The following TRPV2 variants were observed in gnomAD, a reference collection of about 807,000 sequenced individuals.
The protein encoded by TRPV2 is transient receptor potential cation channel subfamily V member 2.
In TRPV2, 58 loss-of-function variants were observed where a neutral mutation model predicts 91.0. The ratio of observed to expected loss-of-function variants is 0.64; its 90% confidence interval spans 0.52 to 0.79. TRPV2 has a LOEUF of 0.79. Among genes scored for constraint, TRPV2 ranks in the 30% least tolerant of loss-of-function variants. The probability of loss-of-function intolerance (pLI) is 0.00; values close to 1 mark genes in which losing one functional copy is unlikely to be tolerated. For missense variants in TRPV2, 807 were observed against 969.6 expected, an observed-to-expected ratio of 0.83 and a Z score of 2.23; for synonymous variants, 417 against 414.8, an observed-to-expected ratio of 1.01 and a Z score of -0.06.
intron 12 of TRPV2, 136 bp from the exon 13 acceptor site, chr17:16,433,438 C>G: frequency 1.5e-6 from 2 of 1,294,222 alleles, no homozygotes; most frequent in Non-Finnish European, 2.1e-6. Context: ...GAGCCAGATT[C>G]GAATCCGCGT....
chr17:16,421,342 G>A (rs1339358178), intron 3 of TRPV2, among the ~76,000 whole-genome samples: 9 of 151,142 alleles, frequency 6.0e-5, no homozygotes, highest in African/African-American at 2.2e-4. Context: ...TCAGCCTCCC[G>A]AGCAGCTGGG....
At chr17:16,433,422 A>C in intron 12 of TRPV2, 152 bp from the exon 13 acceptor site, 1 of 1,120,024 alleles carries the variant, frequency 8.9e-7, no homozygotes, top group Non-Finnish European at 1.3e-6. Flanking sequence ...AGGTAACCGG[A>C]TGTTGGAGCC....
At chr17:16,420,314 G>T (rs2093350970) in intron 3 of TRPV2, 66 bp downstream of exon 3, 5 of 1,558,894 alleles carry the variant, frequency 3.2e-6, no homozygotes. Flanking sequence ...GGGCTGTGTG[G>T]GCTTGATCCC....
chr17:16,417,371 G>A (rs1361610858), intron 1 of TRPV2, among the ~76,000 whole-genome samples, 191 bp from the exon 2 acceptor site: 1 of 150,724 alleles, frequency 6.6e-6, no homozygotes, highest in Non-Finnish European at 1.5e-5. Context: ...CTCCCTAGTA[G>A]CTGGGATTAC....
rs536622113 is a variant in TRPV2, at chr17:16,423,676, C to G, written c.833C>G (p.Ala278Gly). The G allele has an allele frequency of 1.9e-5, 31 of 1,614,114 alleles. No homozygotes were observed. In the East Asian group the frequency reaches 6.9e-4, roughly 36 times the overall value. Residue 278 changes from alanine to glycine, a missense_variant, in exon 5 of 15, where the codon GCC (alanine) becomes GGC (glycine). By Grantham distance (60) the Ala-to-Gly change is moderately conservative. Transcript: ENST00000338560. ...SMYDGLLQAG[A>G]RLCPTVQLED... ...TATGATGGGCTCCTCCAAGCTGGGG[C>G]CCGCCTCTGCCCTACCGTGCAGCTT...
rs2093385412 is a variant in TRPV2, at chr17:16,426,829, C to T, written c.1203C>T (p.Tyr401=). 4 of 1,613,878 alleles carry T rather than the reference C, an allele frequency of 2.5e-6. No homozygotes were observed. The African/African-American group carries it at 5.3e-5, about 22-fold the overall frequency. The change falls in exon 7 of 15, where the codon TAC becomes TAT. Residue 401 remains tyrosine (Y), a synonymous_variant. Coordinates refer to ENST00000338560, the MANE Select transcript of TRPV2 (RefSeq NM_016113.5). The surrounding 1 kb of genome is among the most constrained non-coding windows in gnomAD (Gnocchi z 6.0). ...FFLNFLCNLI[Y]MFIFTAVAYH... Reference sequence around the variant, plus strand: ...TAAACTTCCTGTGTAATCTGATCTACATGTTCATCTTCACCGCTGTTGCCT... The same window carrying T: ...TAAACTTCCTGTGTAATCTGATCTATATGTTCATCTTCACCGCTGTTGCCT...
intron 4 of TRPV2, 90 bp from the exon 5 acceptor site, chr17:16,423,379 A>C (rs1008736619): frequency 2.8e-6 from 4 of 1,433,894 alleles, no homozygotes; most frequent in Non-Finnish European, 3.7e-6. Flanking sequence ...ACCTGTTTCA[A>C]GGAGGGCTGG....
chr17:16,424,351 G>A (rs2093373007), intron 5 of TRPV2, among the ~76,000 whole-genome samples: 1 of 151,916 alleles, frequency 6.6e-6, no homozygotes, highest in Non-Finnish European at 1.5e-5. Context: ...TCAGTAAAGA[G>A]GGGTTTCACC....
In TRPV2 at chr17:16,415,922, C is replaced by T. The variant is rs975248223; in HGVS notation, c.-108+89C>T. 6.6e-6 allele frequency: 1 copy of T among 152,230 alleles called. No individual in the cohort carries two copies. Among genetic ancestry groups the T allele is most frequent in the Admixed American group, 6.5e-5 (1 of 15,274 alleles). The allele number at this position is 152,230 out of a possible 1,614,324, so 9.4% of individuals were successfully genotyped here. ...GATGGGGTGGGGAAGGCCTAGTGGGCTCCTGGCTTCTACAGCCTGGAGCCA... is the reference window on the plus strand; with the variant it reads ...GATGGGGTGGGGAAGGCCTAGTGGGTTCCTGGCTTCTACAGCCTGGAGCCA... On this transcript the variant is annotated intron_variant, in intron 1 of 14. Coordinates refer to ENST00000338560, the MANE Select transcript of TRPV2 (RefSeq NM_016113.5). This position sits in a 1 kb window ranked among gnomAD's most constrained non-coding sequence, Gnocchi z 4.5.
At chr17:16,429,070 G>T in intron 10 of TRPV2, 88 bp downstream of exon 10, 1 of 1,436,360 alleles carries the variant, frequency 7.0e-7, no homozygotes, top group Non-Finnish European at 9.5e-7. Context: ...GCAGAGGAGG[G>T]CATGTGTACA....
intron 5 of TRPV2, among the ~76,000 whole-genome samples, chr17:16,425,401 C>T (rs1464937740): frequency 2.0e-5 from 3 of 152,212 alleles, no homozygotes; most frequent in African/African-American, 7.2e-5. Flanking sequence ...TGAGGCAGCC[C>T]CCACTTTGTT....
chr17:16,420,363 C>G, intron 3 of TRPV2, 115 bp downstream of exon 3: 1 of 1,327,982 alleles, frequency 7.5e-7, no homozygotes, highest in East Asian at 2.4e-5. Flanking sequence ...CAGCAGCCCT[C>G]CCACTGGAAG....
At chr17:16,433,478 G>T in intron 12 of TRPV2, 96 bp from the exon 13 acceptor site, 1 of 1,526,068 alleles carries the variant, frequency 6.6e-7, no homozygotes. Context: ...ATACTGTGAA[G>T]TGCTGCGCGG....
chr17:16,423,016 T>C (rs2093365899), intron 4 of TRPV2, 127 bp downstream of exon 4: 2 of 1,178,830 alleles, frequency 1.7e-6, no homozygotes, highest in African/African-American at 3.1e-5. Context: ...GCCCTGCTTC[T>C]AACCACTAGG....
In TRPV2 at chr17:16,415,586, G is replaced by C. The variant is rs2142957293; in HGVS notation, c.-355G>C. 1 of 152,446 alleles carries C rather than the reference G, an allele frequency of 6.6e-6. No homozygotes were observed. The highest frequency in any genetic ancestry group is 1.5e-5 in the Non-Finnish European group (1 of 68,124). 9.4% of individuals were successfully genotyped at this position (152,446 alleles called of 1,614,324 possible). A position where few individuals can be genotyped will look rare whatever the true frequency, so the allele number is the denominator to read the frequency against. On this transcript the variant is annotated 5_prime_UTR_variant, in exon 1 of 15. Transcript: ENST00000338560. This position sits in a 1 kb window ranked among gnomAD's most constrained non-coding sequence, Gnocchi z 4.5. Reference sequence around the variant, plus strand: ...CCAGATGGTCAGTCTCTGGTGGCTAGCCTGTCCTGACAGGGGAGAGTTAAG... The same window carrying C: ...CCAGATGGTCAGTCTCTGGTGGCTACCCTGTCCTGACAGGGGAGAGTTAAG...
Position 16,426,972 on chromosome 17 carries a change from G to A in TRPV2, c.1251+95G>A. 1 of 1,405,252 alleles carries A rather than the reference G, an allele frequency of 7.1e-7. No individual in the cohort carries two copies. Among genetic ancestry groups the A allele is most frequent in the Non-Finnish European group, 9.7e-7 (1 of 1,035,740 alleles). The allele number at this position is 1,405,252 out of a possible 1,614,324, so 87.0% of individuals were successfully genotyped here. On this transcript the variant is annotated intron_variant, in intron 7 of 14. Transcript: ENST00000338560. The surrounding 1 kb of genome is among the most constrained non-coding windows in gnomAD (Gnocchi z 6.0). ...GGGCAGTAATAGTGCTGAGGCATGG[G>A]CTGCTGGAGTGACATTCCCAAGCTT... is the stretch of plus-strand genomic sequence containing the variant.
At chr17:16,432,419 C>T in intron 12 of TRPV2, 119 bp downstream of exon 12, 1 of 799,972 alleles carries the variant, frequency 1.3e-6, no homozygotes, top group South Asian at 1.8e-5. Context: ...GGCAGCTCTA[C>T]CTTGTCAGTC....
chr17:16,431,285 ATACATATTT>A (rs1198637198), intron 10 of TRPV2, among the ~76,000 whole-genome samples: 514 of 43,682 alleles, frequency 0.012, 6 homozygotes, highest in Non-Finnish European at 0.017. Flanking sequence ...ATATATATAT[ATACATATTT>A]TTTTTTTTTT....
chr17:16,429,161 C>T (rs1419947509), intron 10 of TRPV2, among the ~76,000 whole-genome samples, 179 bp downstream of exon 10: 1 of 152,230 alleles, frequency 6.6e-6, no homozygotes, highest in Non-Finnish European at 1.5e-5. Flanking sequence ...CAGGGCTCTG[C>T]ATGCACACGC....
Sources: allele counts gnomAD v4.1 joint callset (sites outside exome capture counted in the v4.1 genomes callset), GRCh38; gene constraint gnomAD v4.1.1; non-coding constraint Gnocchi (gnomAD v3.1); transcripts MANE v1.5; gene names NCBI Gene and HGNC (gene_info 2026-07-23, HGNC 2026-07-21).